The following ITPR2 variants were observed in gnomAD, a reference collection of about 807,000 sequenced individuals.
ITPR2 encodes inositol 1,4,5-trisphosphate-gated calcium channel ITPR2.
Under a neutral mutation model 317.1 loss-of-function variants are expected in ITPR2, and 207 were observed. The observed-to-expected ratio is 0.65, with a 90% confidence interval of 0.58 to 0.73. The LOEUF is 0.73. Among genes scored for constraint, ITPR2 ranks in the 30% least tolerant of loss-of-function variants. The pLI is 0.00. For missense variants in ITPR2, 2,613 were observed against 3,284.0 expected (o/e 0.80, Z 4.99); for synonymous variants, 1,156 against 1,149.1 (o/e 1.01, Z -0.12).
chr12:26,524,608 A>C (rs1346293791), intron 37 of ITPR2, among the ~76,000 whole-genome samples: 4 of 152,222 alleles, frequency 2.6e-5, no homozygotes, highest in African/African-American at 9.6e-5. Flanking sequence ...TTTTTAAAAA[A>C]CAGGTCTATG....
At chr12:26,767,659 G>A (rs774483097) in intron 2 of ITPR2, among the ~76,000 whole-genome samples, 3 of 152,072 alleles carry the variant, frequency 2.0e-5, no homozygotes, top group South Asian at 2.1e-4. Context: ...AACCAGAAAC[G>A]TATTATATAC....
intron 46 of ITPR2, among the ~76,000 whole-genome samples, chr12:26,442,007 CG>C (rs2136735234): frequency 1.3e-5 from 2 of 152,076 alleles, no homozygotes; most frequent in Non-Finnish European, 2.9e-5. Context: ...CAGCCATCTT[CG>C]ATATCACCTC....
chr12:26,567,883 A>C (rs1469991798), intron 34 of ITPR2, among the ~76,000 whole-genome samples: 1 of 146,454 alleles, frequency 6.8e-6, no homozygotes, highest in African/African-American at 2.5e-5. Context: ...TTTCAAATGC[A>C]ATCAAAAACA....
At position 26,342,059 on chromosome 12, in the gene ITPR2, C is replaced by T. The variant is rs190732645; in HGVS notation, c.7858-1731G>A. Among the ~76,000 whole-genome samples, 337 of 152,280 alleles carry T rather than the reference C, an allele frequency of 2.2e-3. 1 individual carries two copies. Among genetic ancestry groups the T allele is most frequent in the Admixed American group, 1.6e-3 (25 of 15,300 alleles). ...AAACCTAACAGGGGCCCATGAAATG[C>T]TTGCACGGTAGTGTGGCTGGGCCAG... On this transcript the variant is annotated intron_variant, in intron 55 of 56. Coordinates refer to ENST00000381340, the MANE Select transcript of ITPR2 (RefSeq NM_002223.4).
chr12:26,817,157 G>A (rs1237138838), intron 1 of ITPR2, among the ~76,000 whole-genome samples: 5 of 145,334 alleles, frequency 3.4e-5, no homozygotes, highest in Non-Finnish European at 7.5e-5. Flanking sequence ...CTCCAGCCTG[G>A]GCGACAGACC....
chr12:26,636,497 A>G (rs1946870016), intron 21 of ITPR2, among the ~76,000 whole-genome samples: 1 of 152,214 alleles, frequency 6.6e-6, no homozygotes, highest in African/African-American at 2.4e-5. Flanking sequence ...ATTGGATAAC[A>G]AAATGAACTA....
chr12:26,527,017 C>A (rs1290408163), intron 37 of ITPR2, among the ~76,000 whole-genome samples: 2 of 152,126 alleles, frequency 1.3e-5, no homozygotes, highest in African/African-American at 2.4e-5. Flanking sequence ...ATCCTAGTAC[C>A]AAACAGCCCC....
chr12:26,685,787 G>A (rs759593161), intron 11 of ITPR2, among the ~76,000 whole-genome samples: 4 of 151,766 alleles, frequency 2.6e-5, no homozygotes, highest in Admixed American at 6.6e-5. Context: ...TTTTCATTTC[G>A]TGTTCCTGCT....
chr12:26,585,001 C>T (rs1028719076), intron 32 of ITPR2, among the ~76,000 whole-genome samples: 3 of 152,186 alleles, frequency 2.0e-5, no homozygotes, highest in Non-Finnish European at 4.4e-5. Flanking sequence ...ATCATCAGCT[C>T]ATACACTCAA....
intron 2 of ITPR2, among the ~76,000 whole-genome samples, chr12:26,764,190 C>T (rs1949681143): frequency 1.3e-5 from 2 of 152,000 alleles, no homozygotes; most frequent in Non-Finnish European, 2.9e-5. Flanking sequence ...TCACCCTTCA[C>T]AAAAATTAAC....
intron 1 of ITPR2, among the ~76,000 whole-genome samples, chr12:26,791,236 A>G (rs1435465851): frequency 5.3e-5 from 8 of 152,174 alleles, no homozygotes; most frequent in Admixed American, 5.2e-4. Context: ...TACCAGACTC[A>G]CTAACATTCA....
Position 26,395,525 on chromosome 12 carries a change from T to C in ITPR2, c.7696+3351A>G, listed in dbSNP as rs185396139. On this transcript the variant is annotated intron_variant, in intron 54 of 56. Transcript: ENST00000381340. ...GTCTTAGAATGAGGCTTCCAGCCTC[T>C]GGTCCATTCTTCCAAAGAGCATCTC... Among the ~76,000 whole-genome samples the C allele has an allele frequency of 2.9e-3, 448 of 152,346 alleles. 2 individuals carry two copies. The highest frequency in any genetic ancestry group is 0.013 in the South Asian group (62 of 4,830).
chr12:26,424,808 G>A (rs1245139094), intron 49 of ITPR2, among the ~76,000 whole-genome samples: 1 of 152,000 alleles, frequency 6.6e-6, no homozygotes, highest in Non-Finnish European at 1.5e-5. Context: ...CACCCAGGCA[G>A]TAGTGCAGTG....
intron 55 of ITPR2, among the ~76,000 whole-genome samples, chr12:26,348,299 T>C (rs1938369117): frequency 6.6e-6 from 1 of 152,154 alleles, no homozygotes; most frequent in Non-Finnish European, 1.5e-5. Context: ...ACTTAGAAAA[T>C]AATCTGGAAC....
At chr12:26,728,657 T>G (rs183795312) in intron 2 of ITPR2, among the ~76,000 whole-genome samples, 5 of 152,328 alleles carry the variant, frequency 3.3e-5, no homozygotes, top group Admixed American at 3.3e-4. Context: ...TCTACTGTTC[T>G]TGGGCTGGTC....
chr12:26,649,814 TAGATAGATAGACAGAC>T (rs1181946845), intron 21 of ITPR2, among the ~76,000 whole-genome samples: 5 of 146,870 alleles, frequency 3.4e-5, no homozygotes, highest in African/African-American at 1.0e-4. Flanking sequence ...GATAGATAGA[TAGATAGATAGACAGAC>T]AGACAGATAG....
intron 36 of ITPR2, among the ~76,000 whole-genome samples, chr12:26,553,259 A>G (rs1944573491): frequency 6.6e-6 from 1 of 152,148 alleles, no homozygotes; most frequent in South Asian, 2.1e-4. Context: ...AATGGACTCT[A>G]ATCAGCCGCC....
At chr12:26,495,060 A>G (rs1942901456) in intron 38 of ITPR2, 92 bp downstream of exon 38, 2 of 754,440 alleles carry the variant, frequency 2.7e-6, no homozygotes, top group Non-Finnish European at 4.7e-6. Flanking sequence ...ACTCTTTTAT[A>G]TATCTGCCAT....
At chr12:26,415,597 G>C (rs1565514220) in intron 50 of ITPR2, 99 bp from the exon 51 acceptor site, 1 of 815,056 alleles carries the variant, frequency 1.2e-6, no homozygotes, top group East Asian at 2.9e-5. Context: ...AGCCATTCTA[G>C]TTTATATATA....
Sources: allele counts gnomAD v4.1 joint callset (sites outside exome capture counted in the v4.1 genomes callset), GRCh38; gene constraint gnomAD v4.1.1; transcripts MANE v1.5; gene names NCBI Gene and HGNC (gene_info 2026-07-23, HGNC 2026-07-21).